The following MICU1 variants were observed in gnomAD, a reference collection of about 807,000 sequenced individuals.
MICU1 encodes the protein calcium uptake protein 1, mitochondrial.
A neutral mutation model predicts 56.8 loss-of-function variants in MICU1; 45 were observed. The ratio of observed to expected loss-of-function variants is 0.79; its 90% CI spans 0.62 to 1.02. MICU1 has a LOEUF of 1.02. Among genes scored for constraint, MICU1 ranks in the 50% least tolerant of loss-of-function variants. The pLI is 0.00. For missense variants in MICU1, 504 were observed against 587.1 expected (o/e 0.86, Z 1.46); for synonymous variants, 186 against 195.1 (o/e 0.95, Z 0.39).
rs535939443 is a variant in MICU1 at position 72,505,902 on chromosome 10, C to T, written c.652+2253G>A. Reference sequence around the variant, plus strand: ...GGAGATGAAATCATTCATACCCAAACGTCAGCATCACCCAATATCATATAA... The same window carrying T: ...GGAGATGAAATCATTCATACCCAAATGTCAGCATCACCCAATATCATATAA... On this transcript the variant is annotated intron_variant, in intron 6 of 11. Coordinates refer to ENST00000361114, the MANE Select transcript of MICU1 (RefSeq NM_001195518.2). Among the ~76,000 whole-genome samples the T allele has an allele frequency of 1.5e-4, 23 of 151,560 alleles. No individual in the cohort carries two copies. The East Asian group carries it at 1.7e-3, about 11-fold the overall frequency.
At chr10:72,483,780 C>G (rs1173811827) in intron 6 of MICU1, 1 of 153,354 alleles carries the variant, frequency 6.5e-6, no homozygotes, top group African/African-American at 2.4e-5. Context: ...GGGAGGCTTA[C>G]TGCTCGGCTA....
chr10:72,481,043 T>C (rs966071458), intron 6 of MICU1, among the ~76,000 whole-genome samples: 17 of 152,236 alleles, frequency 1.1e-4, no homozygotes, highest in African/African-American at 4.1e-4. Flanking sequence ...GCCATGAACC[T>C]GTGCTTGGGC....
At chr10:72,616,910 G>A (rs144949150) in intron 1 of MICU1, among the ~76,000 whole-genome samples, 1 of 152,292 alleles carries the variant, frequency 6.6e-6, no homozygotes, top group Non-Finnish European at 1.5e-5. Flanking sequence ...ATTGTGCTCT[G>A]TCTGGGTTCC....
chr10:72,433,905 A>G lies in MICU1; in HGVS notation c.934-10534T>C, dbSNP rs561500039. 1.8e-4 allele frequency among the ~76,000 whole-genome samples: 27 copies of G among 152,362 alleles called. 1 individual carries two copies. The highest frequency in any genetic ancestry group is 6.8e-3 in the Middle Eastern group (2 of 294). On this transcript the variant is annotated intron_variant, in intron 8 of 11. Coordinates refer to ENST00000361114, the MANE Select transcript of MICU1 (RefSeq NM_001195518.2). Reference sequence around the variant, plus strand: ...AATCCTTAGAACAAAACAGCAGATCATCAGCTCAGTTTGTTTTAAAAAGTC... The same window carrying G: ...AATCCTTAGAACAAAACAGCAGATCGTCAGCTCAGTTTGTTTTAAAAAGTC...
chr10:72,490,143 G>A (rs969015400), intron 6 of MICU1, among the ~76,000 whole-genome samples: 7 of 152,210 alleles, frequency 4.6e-5, no homozygotes, highest in East Asian at 3.9e-4. Flanking sequence ...GACTTAAGAC[G>A]CACTTTTAAA....
intron 7 of MICU1, chr10:72,475,999 G>A (rs183269339): frequency 4.8e-6 from 2 of 413,730 alleles, no homozygotes; most frequent in Non-Finnish European, 9.7e-6. Context: ...AGCTGAGGTG[G>A]GTGGATCACC....
At chr10:72,486,701 A>T (rs1334090309) in intron 6 of MICU1, among the ~76,000 whole-genome samples, 1 of 152,164 alleles carries the variant, frequency 6.6e-6, no homozygotes, top group East Asian at 1.9e-4. Flanking sequence ...CAAACTCTTG[A>T]TCTCAGTGAT....
chr10:72,438,543 A>G (rs1864813070), intron 8 of MICU1, among the ~76,000 whole-genome samples: 2 of 152,228 alleles, frequency 1.3e-5, no homozygotes, highest in South Asian at 4.1e-4. Context: ...AGAAATAACT[A>G]AGATCAGAGC....
chr10:72,608,144 C>T (rs981879129), intron 1 of MICU1, among the ~76,000 whole-genome samples: 4 of 152,144 alleles, frequency 2.6e-5, no homozygotes, highest in African/African-American at 9.7e-5. Flanking sequence ...TCTCAGCTCA[C>T]TGCAACCTCA....
chr10:72,435,549 G>C (rs1864683768), intron 8 of MICU1, among the ~76,000 whole-genome samples: 2 of 152,156 alleles, frequency 1.3e-5, no homozygotes, highest in Non-Finnish European at 2.9e-5. Flanking sequence ...TTGGATAGTG[G>C]GGGCAGCCCA....
intron 3 of MICU1, among the ~76,000 whole-genome samples, chr10:72,554,882 G>A (rs1840121149): frequency 1.3e-5 from 2 of 152,128 alleles, no homozygotes; most frequent in Non-Finnish European, 2.9e-5. Flanking sequence ...AGTTGTGGTG[G>A]TACACACCTG....
At position 72,369,406 on chromosome 10, in the gene MICU1, A is replaced by G. The variant is rs532670166; in HGVS notation, c.1271-1051T>C. ...TCTCTTCCAGGCAATGGAACATCAG[A>G]AAAAAACTGGAAGCAGGGGAGTAAG... On this transcript the variant is annotated intron_variant, in intron 11 of 11. Coordinates refer to ENST00000361114, the MANE Select transcript of MICU1 (RefSeq NM_001195518.2). Among the ~76,000 whole-genome samples the G allele has an allele frequency of 4.0e-5, 6 of 151,444 alleles. No individual in the cohort carries two copies. In the South Asian group the frequency reaches 1.2e-3, roughly 31 times the overall value.
intron 4 of MICU1, among the ~76,000 whole-genome samples, chr10:72,543,515 CA>C (rs59538160): frequency 0.57 from 85,978 of 151,462 alleles, 25,660 homozygotes; most frequent in Non-Finnish European, 0.67. Context: ...CTCAATCAAT[CA>C]AATCAATCCA....
intron 3 of MICU1, among the ~76,000 whole-genome samples, chr10:72,555,144 C>G (rs866784494): frequency 1.3e-5 from 2 of 152,030 alleles, no homozygotes; most frequent in African/African-American, 4.8e-5. Context: ...CAAAATGAAG[C>G]AAAAAATTCC....
chr10:72,618,495 A>G (rs1452624867), intron 1 of MICU1, among the ~76,000 whole-genome samples: 1 of 140,624 alleles, frequency 7.1e-6, no homozygotes, highest in African/African-American at 3.3e-5. Context: ...TTGAAAATCA[A>G]ATTCGAAGAT....
chr10:72,429,685 T>C (rs1056725899), intron 8 of MICU1, among the ~76,000 whole-genome samples: 1 of 152,130 alleles, frequency 6.6e-6, no homozygotes, highest in Non-Finnish European at 1.5e-5. Flanking sequence ...GTTTCCTATC[T>C]AAGGCAAGGA....
At chr10:72,538,668 A>G (rs1839694793) in intron 4 of MICU1, among the ~76,000 whole-genome samples, 1 of 152,166 alleles carries the variant, frequency 6.6e-6, no homozygotes, top group Admixed American at 6.5e-5. Context: ...AGACAGTAAC[A>G]AAGGAAAAAA....
At chr10:72,542,886 G>C (rs1839808777) in intron 4 of MICU1, among the ~76,000 whole-genome samples, 1 of 152,236 alleles carries the variant, frequency 6.6e-6, no homozygotes, top group Non-Finnish European at 1.5e-5. Context: ...CTCTCAGCAG[G>C]AAGGCGAGCT....
intron 8 of MICU1, among the ~76,000 whole-genome samples, chr10:72,433,789 AT>A (rs1348426578): frequency 6.6e-6 from 1 of 152,214 alleles, no homozygotes; most frequent in Admixed American, 6.5e-5. Flanking sequence ...TAAGAAAGTA[AT>A]TAAATATTGA....
Sources: gnomAD v4.1 joint callset for allele counts (sites outside exome capture counted in the v4.1 genomes callset) on GRCh38, gnomAD v4.1.1 for gene constraint, MANE v1.5 for transcripts, NCBI Gene and HGNC (gene_info 2026-07-23, HGNC 2026-07-21) for gene names.